Variants in FAM83B observed in about 807,000 individuals in gnomAD.
FAM83B encodes protein FAM83B.
A neutral mutation model predicts 38.8 loss-of-function variants in FAM83B; 26 were observed. That is an observed-to-expected ratio of 0.67 (90% CI 0.49 to 0.93). The LOEUF (loss-of-function observed/expected upper bound fraction) is 0.93, where lower values mean the gene tolerates loss of function less well. Ranked by LOEUF, FAM83B falls within the 40% of genes least tolerant of loss-of-function variation. The pLI, the probability that FAM83B is intolerant of heterozygous loss-of-function variation, is 0.00. For missense variants in FAM83B, 1,237 were observed against 1,197.3 expected (o/e 1.03, Z -0.49); for synonymous variants, 419 against 423.1 (o/e 0.99, Z 0.12).
At position 54,875,817 on chromosome 6, in the gene FAM83B, A is replaced by G. The variant is rs1431242385; in HGVS notation, c.444+5127A>G. Reference sequence around the variant, plus strand: ...GAGAGAGAAAGAAAAAGATCTGGTTAAAATTGCACTGACTTCATCCTGCCA... The same window carrying G: ...GAGAGAGAAAGAAAAAGATCTGGTTGAAATTGCACTGACTTCATCCTGCCA... On this transcript the variant is annotated intron_variant, in intron 2 of 4. Transcript: ENST00000306858. Among the ~76,000 whole-genome samples the G allele has an allele frequency of 3.9e-5, 6 of 152,164 alleles. No homozygotes were observed. The East Asian group carries it at 7.7e-4, about 20-fold the overall frequency.
intron 2 of FAM83B, among the ~76,000 whole-genome samples, chr6:54,899,963 A>G (rs1192782560): frequency 6.6e-6 from 1 of 152,226 alleles, no homozygotes; most frequent in Non-Finnish European, 1.5e-5. Context: ...AACAACTCAC[A>G]TTAAAACAAA....
At chr6:54,857,619 C>T (rs1191995346) in intron 1 of FAM83B, among the ~76,000 whole-genome samples, 1 of 152,138 alleles carries the variant, frequency 6.6e-6, no homozygotes, top group Non-Finnish European at 1.5e-5. Flanking sequence ...TTATCCAAGA[C>T]AGTGATGATA....
At chr6:54,869,112 G>A (rs1037558663) in intron 1 of FAM83B, among the ~76,000 whole-genome samples, 1 of 152,172 alleles carries the variant, frequency 6.6e-6, no homozygotes, top group Non-Finnish European at 1.5e-5. Context: ...CATTCTGTGG[G>A]CATTGTGAGA....
Position 54,941,579 on chromosome 6 carries a change from C to G in FAM83B, c.2608C>G (p.Pro870Ala). The change falls in exon 5 of 5, where the codon CCA (proline) becomes GCA (alanine). Residue 870 changes from proline to alanine, a missense_variant. Transcript: ENST00000306858. Reference sequence around the variant, plus strand: ...AGATGAAAATAAAAGAACACCTTCTCCAGGTCCAGTTGAAAGCAAGTTCTT... The same window carrying G: ...AGATGAAAATAAAAGAACACCTTCTGCAGGTCCAGTTGAAAGCAAGTTCTT... The part of the protein sequence containing the change: ...PPDENKRTPS[P>A]GPVESKFLER... 3 of 1,614,080 alleles carry G rather than the reference C, an allele frequency of 1.9e-6. No individual in the cohort carries two copies. The highest frequency in any genetic ancestry group is 2.7e-5 in the African/African-American group (2 of 75,048).
chr6:54,881,236 T>C (rs1199546219), intron 2 of FAM83B, among the ~76,000 whole-genome samples: 3 of 152,188 alleles, frequency 2.0e-5, no homozygotes, highest in Non-Finnish European at 4.4e-5. Context: ...TACTGCCACC[T>C]CCACCCATTT....
chr6:54,867,670 A>G (rs1002608968), intron 1 of FAM83B, among the ~76,000 whole-genome samples: 2 of 151,880 alleles, frequency 1.3e-5, no homozygotes, highest in African/African-American at 4.8e-5. Context: ...TTTGGTTTTC[A>G]TGGTCCTTTC....
chr6:54,921,054 C>T (rs544040528), intron 2 of FAM83B, among the ~76,000 whole-genome samples: 1 of 152,024 alleles, frequency 6.6e-6, no homozygotes, highest in South Asian at 2.1e-4. Flanking sequence ...ATATTACCCT[C>T]ATCTTCTTTT....
rs1056011896 is a variant in FAM83B, at chr6:54,943,521, A to C, written c.*1514A>C. ...AGTATACTGTTGTTTTAAAAATGCA[A>C]GATTCAGACAAATTTTAATATTGTC... On this transcript the variant is annotated 3_prime_UTR_variant, in exon 5 of 5. Coordinates refer to ENST00000306858, the MANE Select transcript of FAM83B (RefSeq NM_001010872.3). The C allele has an allele frequency of 6.6e-6, 1 of 152,178 alleles. No homozygotes were observed. Among genetic ancestry groups the C allele is most frequent in the Non-Finnish European group, 1.5e-5 (1 of 68,032 alleles). The allele number at this position is 152,178 out of a possible 1,614,324, so 9.4% of individuals were successfully genotyped here. A position where few individuals can be genotyped will look rare whatever the true frequency, so the allele number is the denominator to read the frequency against.
Position 54,858,577 on chromosome 6 carries a change from C to T in FAM83B, c.-60-11610C>T, listed in dbSNP as rs185701725. Among the ~76,000 whole-genome samples, 380 of 152,232 alleles carry T rather than the reference C, an allele frequency of 2.5e-3. 1 individual carries two copies. The highest frequency in any genetic ancestry group is 8.7e-3 in the African/African-American group (360 of 41,534). On this transcript the variant is annotated intron_variant, in intron 1 of 4. Coordinates refer to ENST00000306858, the MANE Select transcript of FAM83B (RefSeq NM_001010872.3). ...TATTTAAACAGCCAATTAATCTTTT[C>T]TTGCTATTGAAATAAGTTTATATAA... is the stretch of plus-strand genomic sequence containing the variant.
chr6:54,899,109 A>G (rs1772600983), intron 2 of FAM83B, among the ~76,000 whole-genome samples: 1 of 152,174 alleles, frequency 6.6e-6, no homozygotes, highest in Non-Finnish European at 1.5e-5. Context: ...TCGAGCTCAT[A>G]GTAAATGCCC....
At chr6:54,925,856 T>G (rs1308994712) in intron 2 of FAM83B, among the ~76,000 whole-genome samples, 1 of 152,162 alleles carries the variant, frequency 6.6e-6, no homozygotes, top group Non-Finnish European at 1.5e-5. Flanking sequence ...AACTGTATAT[T>G]TAATTTTTTG....
chr6:54,912,843 A>G (rs1772942825), intron 2 of FAM83B, among the ~76,000 whole-genome samples: 1 of 152,050 alleles, frequency 6.6e-6, no homozygotes, highest in Admixed American at 6.6e-5. Context: ...GTGTGAAAAT[A>G]TCCAAGAGAA....
Position 54,941,591 on chromosome 6 carries a change from G to A in FAM83B, c.2620G>A (p.Glu874Lys), listed in dbSNP as rs749949321. ...NKRTPSPGPV[E>K]SKFLERAGDA... ...AAGAACACCTTCTCCAGGTCCAGTTGAAAGCAAGTTCTTGGAAAGGGCAGG... is the reference window on the plus strand; with the variant it reads ...AAGAACACCTTCTCCAGGTCCAGTTAAAAGCAAGTTCTTGGAAAGGGCAGG... Residue 874 changes from glutamate to lysine, a missense_variant, in exon 5 of 5, where the codon GAA becomes AAA. Transcript: ENST00000306858. The A allele has an allele frequency of 1.9e-6, 3 of 1,614,078 alleles. No individual in the cohort carries two copies. Among genetic ancestry groups the A allele is most frequent in the Non-Finnish European group, 2.5e-6 (3 of 1,180,024 alleles).
Position 54,941,184 on chromosome 6 carries a change from T to C in FAM83B, c.2213T>C (p.Val738Ala). The part of the protein sequence containing the change: ...NSPSGTTTKS[V>A]SIAALLDVNK... ...CCAAGTGGCACTACTACCAAATCAG[T>C]TTCCATTGCTGCTTTACTTGATGTG... Residue 738 changes from valine to alanine, a missense_variant, in exon 5 of 5, where the codon GTT (valine) becomes GCT (alanine). Physicochemically the swap from Val to Ala is moderately conservative, Grantham distance 64. Coordinates refer to ENST00000306858, the MANE Select transcript of FAM83B (RefSeq NM_001010872.3). 6.2e-7 allele frequency: 1 copy of C among 1,614,034 alleles called. No individual in the cohort carries two copies. The highest frequency in any genetic ancestry group is 8.5e-7 in the Non-Finnish European group (1 of 1,179,982).
chr6:54,875,761 A>T (rs1771977676), intron 2 of FAM83B, among the ~76,000 whole-genome samples: 1 of 145,362 alleles, frequency 6.9e-6, no homozygotes, highest in African/African-American at 2.5e-5. Flanking sequence ...GAGAGAAAAG[A>T]AGGTGGGAAA....
chr6:54,911,269 C>T (rs1772902902), intron 2 of FAM83B, among the ~76,000 whole-genome samples: 1 of 150,924 alleles, frequency 6.6e-6, no homozygotes, highest in East Asian at 1.9e-4. Context: ...GAAAGAAATG[C>T]CCCTAAACTT....
At chr6:54,879,532 A>G (rs1208112190) in intron 2 of FAM83B, among the ~76,000 whole-genome samples, 1 of 152,150 alleles carries the variant, frequency 6.6e-6, no homozygotes, top group African/African-American at 2.4e-5. Flanking sequence ...CAGGCCATTT[A>G]GATGGATAGT....
At chr6:54,926,963 G>A (rs979870987) in intron 3 of FAM83B, among the ~76,000 whole-genome samples, 1 of 152,072 alleles carries the variant, frequency 6.6e-6, no homozygotes, top group Non-Finnish European at 1.5e-5. Flanking sequence ...TTGAACTCCT[G>A]ACCTCGTGAT....
chr6:54,846,306 C>A (rs1421184894), upstream of FAM83B, among the ~76,000 whole-genome samples: 1 of 152,186 alleles, frequency 6.6e-6, no homozygotes, highest in Non-Finnish European at 1.5e-5. Context: ...CTTGCTCTCA[C>A]CCGCGGCCCC....
Sources: gnomAD v4.1 joint callset for allele counts (sites outside exome capture counted in the v4.1 genomes callset) on GRCh38, gnomAD v4.1.1 for gene constraint, MANE v1.5 for transcripts, NCBI Gene and HGNC (gene_info 2026-07-23, HGNC 2026-07-21) for gene names.